SHTN1: variants seen among roughly 807,000 people sequenced by gnomAD.
SHTN1 encodes shootin-1.
In SHTN1, 42 loss-of-function variants were observed where a neutral mutation model predicts 83.1. That is an observed-to-expected ratio of 0.51 (90% CI 0.39 to 0.65). The LOEUF is 0.65. Among genes scored for constraint, SHTN1 ranks in the 30% least tolerant of loss-of-function variants. The pLI, the probability that SHTN1 is intolerant of heterozygous loss-of-function variation, is 0.00. For synonymous variants in SHTN1, 224 were observed against 247.7 expected (o/e 0.90, Z 0.90); for missense variants, 622 against 737.8 (o/e 0.84, Z 1.82).
intron 1 of SHTN1, among the ~76,000 whole-genome samples, chr10:117,105,904 C>G (rs920013771): frequency 2.0e-5 from 3 of 152,032 alleles, no homozygotes; most frequent in African/African-American, 7.2e-5. Flanking sequence ...GTCCTAACTA[C>G]TTGGGAGGCT....
chr10:116,901,788 G>A lies in SHTN1; in HGVS notation c.1650C>T (p.Cys550=). 6.2e-7 allele frequency: 1 copy of A among 1,602,600 alleles called. No homozygotes were observed. Among genetic ancestry groups the A allele is most frequent in the African/African-American group, 1.4e-5 (1 of 73,944 alleles). The change falls in exon 16 of 17, where the codon TGC becomes TGT. Residue 550 remains cysteine (C), a synonymous_variant. Coordinates refer to ENST00000355371, the MANE Select transcript of SHTN1 (RefSeq NM_001127211.3). ...PGEGPRKLEG[C]TSSKVTFQPP... ...ACTGAAACGTAACCTTGGAACTTGTGCATCCTTCCAATTTACGGGGCCCTT... is the reference window on the plus strand; with the variant it reads ...ACTGAAACGTAACCTTGGAACTTGTACATCCTTCCAATTTACGGGGCCCTT...
chr10:117,076,182 CA>C (rs10595400), intron 1 of SHTN1, among the ~76,000 whole-genome samples: 59,482 of 99,440 alleles, frequency 0.6, 17,667 homozygotes, highest in Middle Eastern at 0.76. Flanking sequence ...GACCCTGTCT[CA>C]AAAAAAAAAA....
intron 1 of SHTN1, among the ~76,000 whole-genome samples, chr10:117,054,163 T>C (rs1008077908): frequency 6.6e-6 from 1 of 152,108 alleles, no homozygotes; most frequent in Non-Finnish European, 1.5e-5. Context: ...CCTGCCACCA[T>C]GGAAGGGAGG....
chr10:117,014,214 G>C (rs920869641), intron 2 of SHTN1, among the ~76,000 whole-genome samples: 3 of 152,182 alleles, frequency 2.0e-5, no homozygotes, highest in African/African-American at 7.2e-5. Context: ...GTATGGTACA[G>C]GGGTGTTGGA....
At chr10:116,943,790 C>T (rs1305334594) in intron 8 of SHTN1, among the ~76,000 whole-genome samples, 1 of 152,180 alleles carries the variant, frequency 6.6e-6, no homozygotes, top group Non-Finnish European at 1.5e-5. Flanking sequence ...CTACCTAGGA[C>T]TGTTTTACAT....
At chr10:116,892,447 T>C (rs1399779438) in intron 16 of SHTN1, among the ~76,000 whole-genome samples, 2 of 152,344 alleles carry the variant, frequency 1.3e-5, no homozygotes, top group African/African-American at 4.8e-5. Context: ...TAAGTCATCA[T>C]GGAAAATCCA....
intron 3 of SHTN1, among the ~76,000 whole-genome samples, chr10:116,962,440 A>G (rs548845501): frequency 6.6e-6 from 1 of 152,302 alleles, no homozygotes; most frequent in South Asian, 2.1e-4. Context: ...ATCAAATATT[A>G]CTTTGAATTT....
intron 2 of SHTN1, chr10:116,974,197 G>C: frequency 7.4e-6 from 7 of 941,254 alleles, no homozygotes; most frequent in Non-Finnish European, 9.0e-6. Context: ...CATCAGAACA[G>C]AGATCCTTGC....
chr10:116,986,470 T>C (rs932951320), intron 1 of SHTN1, among the ~76,000 whole-genome samples: 7 of 152,132 alleles, frequency 4.6e-5, no homozygotes, highest in Non-Finnish European at 1.0e-4. Flanking sequence ...AGAGTTAAAA[T>C]GTCCAGGGGG....
chr10:117,101,725 A>G (rs1339481857), intron 1 of SHTN1, among the ~76,000 whole-genome samples: 3 of 152,152 alleles, frequency 2.0e-5, no homozygotes. Flanking sequence ...CTATCCAAAG[A>G]AAGAATAGCC....
At chr10:117,112,911 A>G (rs1453013434) in intron 1 of SHTN1, among the ~76,000 whole-genome samples, 1 of 152,220 alleles carries the variant, frequency 6.6e-6, no homozygotes, top group African/African-American at 2.4e-5. Flanking sequence ...TCTTTAAAGA[A>G]TTCTTTTCCT....
At chr10:117,006,240 GTT>G (rs11434853), upstream of SHTN1, among the ~76,000 whole-genome samples, 1 of 147,250 alleles carries the variant, frequency 6.8e-6, no homozygotes, top group Non-Finnish European at 1.5e-5. Flanking sequence ...GTTTTTTTTT[GTT>G]TTTTTTTTGT....
intron 15 of SHTN1, 127 bp from the exon 16 acceptor site, chr10:116,902,084 G>T: frequency 1.3e-6 from 1 of 795,852 alleles, no homozygotes; most frequent in Non-Finnish European, 1.9e-6. Context: ...AATTTCAAGA[G>T]CATGCTGGAA....
chr10:117,006,363 G>A (rs1463911759), upstream of SHTN1, among the ~76,000 whole-genome samples: 7 of 151,448 alleles, frequency 4.6e-5, no homozygotes, highest in South Asian at 2.1e-4. Context: ...TCAGGAGATC[G>A]AGACCATCCT....
chr10:116,905,183 T>G (rs1589793152), intron 15 of SHTN1, among the ~76,000 whole-genome samples: 1 of 127,278 alleles, frequency 7.9e-6, no homozygotes, highest in African/African-American at 3.1e-5. Context: ...CAGTCCAGCC[T>G]GGGCGACAGA....
At chr10:116,974,121 GC>G in intron 2 of SHTN1, 3 of 1,073,330 alleles carry the variant, frequency 2.8e-6, no homozygotes, top group Non-Finnish European at 1.1e-6. Context: ...AGTGGTAGCT[GC>G]CCTCAAAGCT....
chr10:116,897,921 C>T (rs1230800317), intron 16 of SHTN1, among the ~76,000 whole-genome samples: 1 of 152,160 alleles, frequency 6.6e-6, no homozygotes, highest in Admixed American at 6.5e-5. Flanking sequence ...CGTCTACAGG[C>T]TTTTATTGAT....
intron 1 of SHTN1, among the ~76,000 whole-genome samples, chr10:117,105,234 C>T (rs1041826055): frequency 1.3e-5 from 2 of 152,172 alleles, no homozygotes; most frequent in Non-Finnish European, 2.9e-5. Context: ...TCTTTTACTT[C>T]AGAAGCCTCA....
chr10:116,999,102 T>C (rs964385276), intron 1 of SHTN1, among the ~76,000 whole-genome samples: 1 of 152,118 alleles, frequency 6.6e-6, no homozygotes, highest in African/African-American at 2.4e-5. Context: ...GTGCTGGGAT[T>C]ATACGCGTGA....
Sources: allele counts gnomAD v4.1 joint callset (sites outside exome capture counted in the v4.1 genomes callset), GRCh38; gene constraint gnomAD v4.1.1; transcripts MANE v1.5; gene names NCBI Gene and HGNC (gene_info 2026-07-23, HGNC 2026-07-21).